NEURL1: variants seen among roughly 807,000 people sequenced by gnomAD.
NEURL1 encodes the protein E3 ubiquitin-protein ligase NEURL1.
In NEURL1, 26 loss-of-function variants were observed where a neutral mutation model predicts 41.2. That is an observed-to-expected ratio of 0.63 (90% confidence interval 0.46 to 0.87). The LOEUF (loss-of-function observed/expected upper bound fraction) is 0.87, where lower values mean the gene tolerates loss of function less well. Ranked by LOEUF, NEURL1 falls within the 40% of genes least tolerant of loss-of-function variation. The pLI is 0.00. For missense variants in NEURL1, 761 were observed against 871.1 expected (o/e 0.87, Z 1.59); for synonymous variants, 400 against 402.3 (o/e 0.99, Z 0.07).
rs944902836 is a variant in NEURL1, at chr10:103,494,286, C to T, written c.-102C>T. 18 of 931,492 alleles carry T rather than the reference C, an allele frequency of 1.9e-5. No individual in the cohort carries two copies. Among genetic ancestry groups the T allele is most frequent in the Non-Finnish European group, 2.8e-5 (18 of 635,718 alleles). 57.7% of individuals were successfully genotyped at this position (931,492 alleles called of 1,614,324 possible). On this transcript the variant is annotated 5_prime_UTR_variant, in exon 1 of 6. Transcript: ENST00000369780. ...GCTGCAGCCCCAGCAGGGCCCTCCCCCGGTGGCGCGCACCCGCGCGCGCAC... is the reference window on the plus strand; with the variant it reads ...GCTGCAGCCCCAGCAGGGCCCTCCCTCGGTGGCGCGCACCCGCGCGCGCAC...
At chr10:103,526,780 G>A (rs1026903151) in intron 1 of NEURL1, among the ~76,000 whole-genome samples, 2 of 152,162 alleles carry the variant, frequency 1.3e-5, no homozygotes, top group African/African-American at 2.4e-5. Flanking sequence ...AAGGTGCTGG[G>A]ATTACAGGCA....
chr10:103,578,257 A>G (rs1413698348), intron 3 of NEURL1, among the ~76,000 whole-genome samples: 1 of 151,870 alleles, frequency 6.6e-6, no homozygotes, highest in Non-Finnish European at 1.5e-5. Context: ...TTTTGTCTTT[A>G]GGTTAAAAAG....
chr10:103,533,829 C>A (rs1190030211), intron 1 of NEURL1, among the ~76,000 whole-genome samples: 5 of 152,088 alleles, frequency 3.3e-5, no homozygotes, highest in Admixed American at 3.3e-4. Flanking sequence ...AGCCACCGCT[C>A]CCGGCCTAAT....
Position 103,589,538 on chromosome 10 carries a change from G to T in NEURL1, c.1364G>T (p.Gly455Val), listed in dbSNP as rs551936679. Residue 455 changes from glycine (G) to valine (V), a missense_variant, in exon 5 of 6, where the codon GGT becomes GTT. This residue lies in a region of NEURL1 where 443 missense variants were observed against 408.1 expected (regional missense o/e 1.09). Transcript: ENST00000369780. ...GGCTCCACTATCCTGGCCGAGCGGG[G>T]TATCCCATCACTCCCCTGCTCCCCT... ...ILGSTILAERGIPSLPCSPAS... is the reference protein window; with the variant it reads ...ILGSTILAERVIPSLPCSPAS... The T allele has an allele frequency of 3.1e-6, 5 of 1,612,730 alleles. No homozygotes were observed. The East Asian group carries it at 6.7e-5, about 22-fold the overall frequency.
At chr10:103,507,447 G>A (rs2033972532) in intron 1 of NEURL1, among the ~76,000 whole-genome samples, 1 of 152,142 alleles carries the variant, frequency 6.6e-6, no homozygotes, top group African/African-American at 2.4e-5. Context: ...TGTCAGAGTT[G>A]GGCAGGCGAG....
intron 1 of NEURL1, among the ~76,000 whole-genome samples, chr10:103,565,718 G>C (rs1339316398): frequency 6.6e-6 from 1 of 152,186 alleles, no homozygotes; most frequent in Admixed American, 6.5e-5. Flanking sequence ...GTGCAATGGT[G>C]CTCTCACGGC....
At chr10:103,503,299 G>T (rs990907030) in intron 1 of NEURL1, among the ~76,000 whole-genome samples, 10 of 152,202 alleles carry the variant, frequency 6.6e-5, no homozygotes, top group African/African-American at 2.4e-4. Flanking sequence ...GGATGGCTTT[G>T]GGAAATGAGC....
At chr10:103,542,978 GA>G (rs2034851701) in intron 1 of NEURL1, among the ~76,000 whole-genome samples, 1 of 152,194 alleles carries the variant, frequency 6.6e-6, no homozygotes, top group African/African-American at 2.4e-5. Context: ...AAAGAGAAGG[GA>G]AAACGACAGA....
intron 1 of NEURL1, among the ~76,000 whole-genome samples, chr10:103,519,251 A>AAAAAGAAAG (rs1554889927): frequency 1.4e-3 from 208 of 152,106 alleles, no homozygotes; most frequent in African/African-American, 3.7e-3. Flanking sequence ...TGTCTCAAAA[A>AAAAAGAAAG]AAAGAAAGAA....
chr10:103,584,660 G>T lies in NEURL1; in HGVS notation c.774G>T (p.Pro258=), dbSNP rs748355687. 7.0e-7 allele frequency: 1 copy of T among 1,425,476 alleles called. No homozygotes were observed. Among genetic ancestry groups the T allele is most frequent in the Non-Finnish European group, 9.1e-7 (1 of 1,095,926 alleles). 88.3% of individuals were successfully genotyped at this position (1,425,476 alleles called of 1,614,324 possible). ...TGAGCCTATGCGACCTCAACGTGCC[G>T]GGCGCGGACGGCGACGAGGCCGCGC... The part of the protein sequence containing the change: ...LSVSLCDLNV[P]GADGDEAAPA... The change falls in exon 4 of 6, where the codon CCG becomes CCT. Residue 258 remains proline (P), a synonymous_variant. Transcript: ENST00000369780.
chr10:103,570,989 A>G lies in NEURL1; in HGVS notation c.203A>G (p.His68Arg), dbSNP rs775098447. 9 of 1,613,894 alleles carry G rather than the reference A, an allele frequency of 5.6e-6. No homozygotes were observed. Among genetic ancestry groups the G allele is most frequent in the Non-Finnish European group, 6.8e-6 (8 of 1,179,980 alleles). Reference protein sequence around the residue: ...LPATPLLFHPHTKGSQILMDL... With the variant: ...LPATPLLFHPRTKGSQILMDL... The stretch of plus-strand genomic sequence containing the variant: ...GCCACGCCGCTGCTCTTCCACCCGC[A>G]CACCAAGGGCTCCCAGATCCTCATG... The change falls in exon 2 of 6, where the codon CAC (histidine) becomes CGC (arginine). Residue 68 changes from histidine (H) to arginine (R), a missense_variant. This residue lies in a region of NEURL1 where 94 missense variants were observed against 96.6 expected (regional missense o/e 0.97). Transcript: ENST00000369780.
chr10:103,558,246 A>C lies in NEURL1; in HGVS notation c.86-12626A>C. The C allele has an allele frequency of 2.0e-6, 2 of 985,202 alleles. No homozygotes were observed. Among genetic ancestry groups the C allele is most frequent in the Non-Finnish European group, 2.4e-6 (2 of 829,940 alleles). The allele number at this position is 985,202 out of a possible 1,614,324, so 61.0% of individuals were successfully genotyped here. A position where few individuals can be genotyped will look rare whatever the true frequency, so the allele number is the denominator to read the frequency against. ...GCCAAACATTTTGGATTGCTGCGTT[A>C]AAGTGAGTGAGGGGAGGGTGACAGG... On this transcript the variant is annotated intron_variant, in intron 1 of 5. Coordinates refer to ENST00000369780, the MANE Select transcript of NEURL1 (RefSeq NM_004210.5). The surrounding 1 kb of genome is among the most constrained non-coding windows in gnomAD (Gnocchi z 4.2).
intron 1 of NEURL1, among the ~76,000 whole-genome samples, chr10:103,562,208 C>A (rs991211933): frequency 2.6e-5 from 4 of 152,174 alleles, no homozygotes; most frequent in Admixed American, 1.3e-4. Flanking sequence ...CATAGTAAAA[C>A]CCCGTCTCTA....
intron 1 of NEURL1, among the ~76,000 whole-genome samples, chr10:103,570,515 A>T (rs2035516239): frequency 6.7e-6 from 1 of 148,302 alleles, no homozygotes; most frequent in Non-Finnish European, 1.5e-5. Flanking sequence ...AGTGCCAGTG[A>T]GTGGTGGTAG....
chr10:103,571,846 C>T (rs1224674028), intron 3 of NEURL1, 24 bp downstream of exon 3: 3 of 1,572,604 alleles, frequency 1.9e-6, no homozygotes, highest in Non-Finnish European at 2.6e-6. Context: ...CCTCCGGCCC[C>T]TTGGTGCAGG....
At chr10:103,532,138 G>A (rs1163855163) in intron 1 of NEURL1, among the ~76,000 whole-genome samples, 1 of 152,064 alleles carries the variant, frequency 6.6e-6, no homozygotes, top group Non-Finnish European at 1.5e-5. Flanking sequence ...TTTCTTATCC[G>A]TTCAGGCAGT....
At chr10:103,569,081 C>T (rs1425384157) in intron 1 of NEURL1, among the ~76,000 whole-genome samples, 2 of 152,220 alleles carry the variant, frequency 1.3e-5, no homozygotes, top group Admixed American at 1.3e-4. Flanking sequence ...TCCCAAAGTG[C>T]TGAGATTACA....
At chr10:103,539,305 G>A (rs982817931) in intron 1 of NEURL1, among the ~76,000 whole-genome samples, 3 of 152,176 alleles carry the variant, frequency 2.0e-5, no homozygotes, top group African/African-American at 7.2e-5. Context: ...TGAAGTGTCT[G>A]TTTAAATTTT....
intron 1 of NEURL1, among the ~76,000 whole-genome samples, chr10:103,515,573 GGTATA>G (rs772220994): frequency 3.9e-5 from 6 of 152,220 alleles, no homozygotes; most frequent in Non-Finnish European, 8.8e-5. Flanking sequence ...TGTTTATAAA[GGTATA>G]GTAAACTTTC....
Sources: allele counts gnomAD v4.1 joint callset (sites outside exome capture counted in the v4.1 genomes callset), GRCh38; gene constraint gnomAD v4.1.1; regional missense constraint gnomAD v4.1.1; non-coding constraint Gnocchi (gnomAD v3.1); transcripts MANE v1.5; gene names NCBI Gene and HGNC (gene_info 2026-07-23, HGNC 2026-07-21).